FNDC3B: variants seen among roughly 807,000 people sequenced by gnomAD.
FNDC3B encodes the protein fibronectin type III domain-containing protein 3B.
FNDC3B carries 12 observed loss-of-function variants against 151.5 expected under a neutral mutation model. That is an observed-to-expected ratio of 0.08 (90% CI 0.05 to 0.13). FNDC3B has a LOEUF of 0.13. Ranked by LOEUF, FNDC3B falls within the 10% of genes least tolerant of loss-of-function variation. FNDC3B has a pLI of 1.00. For synonymous variants in FNDC3B, 528 were observed against 549.0 expected (o/e 0.96, Z 0.54); for missense variants, 1,214 against 1,505.3 (o/e 0.81, Z 3.20).
At position 172,247,560 on chromosome 3, in the gene FNDC3B, C is replaced by T; in HGVS notation, c.292C>T (p.Arg98Trp). 2 of 1,614,004 alleles carry T rather than the reference C, an allele frequency of 1.2e-6. No homozygotes were observed. The highest frequency in any genetic ancestry group is 2.2e-5 in the East Asian group (1 of 44,892). Residue 98 changes from arginine to tryptophan, a missense_variant, in exon 5 of 26, where the codon CGG becomes TGG. Physicochemically the swap from Arg to Trp is moderately radical, Grantham distance 101. This residue lies in a region of FNDC3B where 113 missense variants were observed against 177.8 expected (regional missense o/e 0.64). Coordinates refer to ENST00000415807, the MANE Select transcript of FNDC3B (RefSeq NM_022763.4). ...QVIEDSTGVR[R>W]VVVTPQSPEC... ...GATTGAAGATAGTACTGGAGTCCGC[C>T]GGGTGGTGGTCACACCCCAGTCTCC...
At chr3:172,217,066 C>T (rs984918692) in intron 3 of FNDC3B, among the ~76,000 whole-genome samples, 25 of 104,474 alleles carry the variant, frequency 2.4e-4, no homozygotes, top group African/African-American at 8.5e-4. Flanking sequence ...GTGCATTACT[C>T]ATTCCGCATG....
At chr3:172,362,958 G>T in intron 23 of FNDC3B, 113 bp downstream of exon 23, 2 of 814,090 alleles carry the variant, frequency 2.5e-6, no homozygotes, top group Non-Finnish European at 3.9e-6. Flanking sequence ...TTCTTGTTCA[G>T]AGGCTTCCTT....
chr3:172,200,541 T>C (rs1486908309), intron 3 of FNDC3B, among the ~76,000 whole-genome samples: 2 of 152,246 alleles, frequency 1.3e-5, no homozygotes, highest in Non-Finnish European at 2.9e-5. Context: ...TATTCAATAC[T>C]TTATTATAAA....
At position 172,231,789 on chromosome 3, in the gene FNDC3B, C is replaced by T. The variant is rs1322737988; in HGVS notation, c.264+4842C>T. Among the ~76,000 whole-genome samples, 3 of 151,490 alleles carry T rather than the reference C, an allele frequency of 2.0e-5. No homozygotes were observed. In the East Asian group the frequency reaches 5.8e-4, roughly 29 times the overall value. On this transcript the variant is annotated intron_variant, in intron 4 of 25. Coordinates refer to ENST00000415807, the MANE Select transcript of FNDC3B (RefSeq NM_022763.4). The stretch of plus-strand genomic sequence containing the variant: ...CCTGATGATTTTTATTGCTTTCTGG[C>T]AGTGTGAGTGTGGGTGTGTGTTGTG...
chr3:172,069,715 G>C (rs1717675158), intron 1 of FNDC3B, among the ~76,000 whole-genome samples: 1 of 152,212 alleles, frequency 6.6e-6, no homozygotes, highest in African/African-American at 2.4e-5. Context: ...GGGAGTTGTG[G>C]AATCTGGCTG....
At chr3:172,184,273 G>A (rs1724062285) in intron 3 of FNDC3B, 1 of 152,132 alleles carries the variant, frequency 6.6e-6, no homozygotes, top group African/African-American at 2.4e-5. Flanking sequence ...CACCATGCCA[G>A]GCTTGGTTCT....
intron 11 of FNDC3B, among the ~76,000 whole-genome samples, chr3:172,318,650 A>C (rs114502888): frequency 1.3e-5 from 2 of 152,114 alleles, no homozygotes; most frequent in African/African-American, 4.8e-5. Flanking sequence ...CCAGCTCTCT[A>C]AGGTGCCACA....
Position 172,251,431 on chromosome 3 carries a change from A to C in FNDC3B, c.680A>C (p.Lys227Thr). The C allele has an allele frequency of 1.2e-6, 2 of 1,614,114 alleles. No individual in the cohort carries two copies. The change falls in exon 6 of 26, where the codon AAG (lysine) becomes ACG (threonine). Residue 227 changes from lysine (K) to threonine (T), a missense_variant. Lys to Thr is a moderately conservative substitution (Grantham distance 78). This residue lies in a region of FNDC3B where 166 missense variants were observed against 173.2 expected (regional missense o/e 0.96). Transcript: ENST00000415807. Reference sequence around the variant, plus strand: ...ACAACAGTATACAATGGCTATGGGAAGGGCCATAGTGGTGGAAGTGGCGGA... The same window carrying C: ...ACAACAGTATACAATGGCTATGGGACGGGCCATAGTGGTGGAAGTGGCGGA... ...SCTTVYNGYGKGHSGGSGGGG... is the reference protein window; with the variant it reads ...SCTTVYNGYGTGHSGGSGGGG...
At chr3:172,291,912 G>A (rs1423937526) in intron 7 of FNDC3B, among the ~76,000 whole-genome samples, 1 of 152,144 alleles carries the variant, frequency 6.6e-6, no homozygotes, top group Non-Finnish European at 1.5e-5. Context: ...CTCTGAAATC[G>A]GCATGAACCT....
At chr3:172,372,345 GTGGGC>G (rs1267677219) in intron 23 of FNDC3B, among the ~76,000 whole-genome samples, 6 of 152,286 alleles carry the variant, frequency 3.9e-5, no homozygotes, top group Admixed American at 2.0e-4. Context: ...TATTGCCAGC[GTGGGC>G]TGGGGCTCCT....
chr3:172,332,061 C>G (rs746479601), intron 13 of FNDC3B, among the ~76,000 whole-genome samples: 1 of 152,162 alleles, frequency 6.6e-6, no homozygotes, highest in Non-Finnish European at 1.5e-5. Flanking sequence ...ACCTCTGCCT[C>G]CCAGGTTCAA....
chr3:172,367,441 A>G (rs1440633811), intron 23 of FNDC3B, among the ~76,000 whole-genome samples: 4 of 152,196 alleles, frequency 2.6e-5, no homozygotes, highest in Non-Finnish European at 4.4e-5. Flanking sequence ...TTGGCCTTAG[A>G]GTGATTAAGT....
At chr3:172,101,991 T>G (rs745426074) in intron 1 of FNDC3B, among the ~76,000 whole-genome samples, 1 of 152,226 alleles carries the variant, frequency 6.6e-6, no homozygotes, top group Non-Finnish European at 1.5e-5. Flanking sequence ...AGATGTACTC[T>G]CATGGGTTGT....
intron 4 of FNDC3B, among the ~76,000 whole-genome samples, chr3:172,239,004 G>A (rs189470849): frequency 1.3e-3 from 199 of 152,218 alleles, no homozygotes; most frequent in African/African-American, 4.1e-3. Flanking sequence ...TAATAATGAC[G>A]TGCTAATATT....
At chr3:172,072,303 T>C (rs953822879) in intron 1 of FNDC3B, among the ~76,000 whole-genome samples, 1 of 151,648 alleles carries the variant, frequency 6.6e-6, no homozygotes, top group Admixed American at 6.6e-5. Flanking sequence ...AGAGAGGCTA[T>C]AGAGTTTGAG....
intron 3 of FNDC3B, among the ~76,000 whole-genome samples, chr3:172,201,954 G>C (rs1388063750): frequency 6.6e-6 from 1 of 152,170 alleles, no homozygotes; most frequent in African/African-American, 2.4e-5. Context: ...TCTACTTCGT[G>C]CATTTTTGCA....
rs372550387 is a variant in FNDC3B at position 172,297,704 on chromosome 3, G to C, written c.1002-1024G>C. On this transcript the variant is annotated intron_variant, in intron 8 of 25. Coordinates refer to ENST00000415807, the MANE Select transcript of FNDC3B (RefSeq NM_022763.4). ...TTAGCCAGGATGGTCTCGATCTCCT[G>C]ACCTCGTGATCCGCCCTCCTTGGCC... Among the ~76,000 whole-genome samples the C allele has an allele frequency of 5.3e-5, 8 of 152,158 alleles. No homozygotes were observed. The East Asian group carries it at 7.7e-4, about 15-fold the overall frequency.
At chr3:172,296,983 G>A (rs1390488616) in intron 8 of FNDC3B, among the ~76,000 whole-genome samples, 1 of 152,156 alleles carries the variant, frequency 6.6e-6, no homozygotes, top group Non-Finnish European at 1.5e-5. Flanking sequence ...GGTGGCAGGA[G>A]CTAGAGGCTC....
chr3:172,139,490 C>G (rs1372892924), intron 3 of FNDC3B, among the ~76,000 whole-genome samples: 1 of 152,150 alleles, frequency 6.6e-6, no homozygotes, highest in Non-Finnish European at 1.5e-5. Context: ...AGCTTGCTTT[C>G]AAAGATTGTA....
Sources: allele counts gnomAD v4.1 joint callset (sites outside exome capture counted in the v4.1 genomes callset), GRCh38; gene constraint gnomAD v4.1.1; regional missense constraint gnomAD v4.1.1; transcripts MANE v1.5; gene names NCBI Gene and HGNC (gene_info 2026-07-23, HGNC 2026-07-21).